CLMP: variants seen among roughly 807,000 people sequenced by gnomAD.
The protein encoded by CLMP is CXADR like cell adhesion molecule.
In CLMP, 27 loss-of-function variants were observed where a neutral mutation model predicts 45.2. That is an observed-to-expected ratio of 0.60 (90% CI 0.44 to 0.82). The LOEUF (loss-of-function observed/expected upper bound fraction) is 0.82. Ranked by LOEUF, CLMP falls within the 40% of genes least tolerant of loss-of-function variation. The pLI, the probability that CLMP is intolerant of heterozygous loss-of-function variation, is 0.00. For synonymous variants in CLMP, 167 were observed against 171.4 expected (o/e 0.97, Z 0.20); for missense variants, 403 against 448.4 (o/e 0.90, Z 0.91).
intron 1 of CLMP, among the ~76,000 whole-genome samples, chr11:123,132,308 G>A (rs1332477795): frequency 6.6e-6 from 1 of 152,216 alleles, no homozygotes; most frequent in Admixed American, 6.5e-5. Context: ...TTACTTTGGG[G>A]AACTGTCAAA....
chr11:123,136,055 C>T, intron 1 of CLMP: 2 of 596,576 alleles, frequency 3.4e-6, no homozygotes, highest in East Asian at 8.7e-5. Flanking sequence ...TCTTCATCTG[C>T]CTTTTTGCTT....
intron 1 of CLMP, among the ~76,000 whole-genome samples, chr11:123,118,723 A>T (rs572964122): frequency 6.6e-6 from 1 of 152,270 alleles, no homozygotes; most frequent in South Asian, 2.1e-4. Flanking sequence ...GTCGCGTCTC[A>T]GCAAGGGAGG....
At chr11:123,089,646 G>A (rs1032138846) in intron 2 of CLMP, among the ~76,000 whole-genome samples, 9 of 151,424 alleles carry the variant, frequency 5.9e-5, no homozygotes, top group South Asian at 2.1e-4. Flanking sequence ...GTGTGGTGGC[G>A]GGCGCCCGTA....
chr11:123,074,023 G>C (rs1865705407), intron 6 of CLMP, among the ~76,000 whole-genome samples: 1 of 152,146 alleles, frequency 6.6e-6, no homozygotes. Flanking sequence ...AGATGGTCTA[G>C]ACAGCACACC....
chr11:123,104,769 G>C (rs977853177), intron 1 of CLMP, among the ~76,000 whole-genome samples: 2 of 152,206 alleles, frequency 1.3e-5, no homozygotes, highest in African/African-American at 4.8e-5. Context: ...GAAAGGGGCA[G>C]TCTGACCATC....
At position 123,136,446 on chromosome 11, in the gene CLMP, C is replaced by A. The variant is rs548685138; in HGVS notation, c.29-38494G>T. 119 of 410,640 alleles carry A rather than the reference C, an allele frequency of 2.9e-4. 3 individuals are homozygous for A. The highest frequency in any genetic ancestry group is 2.2e-3 in the South Asian group (88 of 39,880). The allele number at this position is 410,640 out of a possible 1,614,324, so 25.4% of individuals were successfully genotyped here. On this transcript the variant is annotated intron_variant, in intron 1 of 6. Coordinates refer to ENST00000448775, the MANE Select transcript of CLMP (RefSeq NM_024769.5). ...CCACCCCGCCCTCCTTGTCCCCCCC[C>A]ACCCCACCCTCCTCTCCCTGGCGCT...
At chr11:123,084,436 C>T in intron 3 of CLMP, 76 bp downstream of exon 3, 2 of 1,177,106 alleles carry the variant, frequency 1.7e-6, no homozygotes, top group Non-Finnish European at 1.2e-6. Context: ...TTTTGTACCA[C>T]CGTGATGCAT....
chr11:123,190,104 T>C (rs1861889027), intron 1 of CLMP, among the ~76,000 whole-genome samples: 1 of 152,124 alleles, frequency 6.6e-6, no homozygotes, highest in African/African-American at 2.4e-5. Flanking sequence ...CTTGAGGCTG[T>C]TCTGTAGGTA....
intron 2 of CLMP, among the ~76,000 whole-genome samples, chr11:123,088,786 A>G (rs998223689): frequency 6.6e-6 from 1 of 151,914 alleles, no homozygotes; most frequent in African/African-American, 2.4e-5. Flanking sequence ...CCACCACACC[A>G]GCTAATTTTG....
intron 2 of CLMP, among the ~76,000 whole-genome samples, chr11:123,096,057 G>A (rs1035264570): frequency 2.6e-5 from 4 of 152,096 alleles, no homozygotes; most frequent in Non-Finnish European, 5.9e-5. Context: ...TGACCAAGAA[G>A]CTGTTAAAAT....
At chr11:123,147,580 G>C (rs182127613) in intron 1 of CLMP, among the ~76,000 whole-genome samples, 9 of 152,226 alleles carry the variant, frequency 5.9e-5, no homozygotes, top group Non-Finnish European at 1.2e-4. Flanking sequence ...GCCCAGCAGC[G>C]AGCCTTTCTT....
At chr11:123,080,547 G>A (rs1014663138) in intron 5 of CLMP, among the ~76,000 whole-genome samples, 1 of 151,892 alleles carries the variant, frequency 6.6e-6, no homozygotes, top group African/African-American at 2.4e-5. Flanking sequence ...GGCTGGTCTC[G>A]AACTCCCAAC....
rs1387406022 is a variant in CLMP at position 123,074,979 on chromosome 11, G to T, written c.680-136C>A. The T allele has an allele frequency of 1.5e-5, 15 of 1,001,576 alleles. No individual in the cohort carries two copies. The African/African-American group carries it at 2.5e-4, about 16-fold the overall frequency. The allele number at this position is 1,001,576 out of a possible 1,614,324, so 62.0% of individuals were successfully genotyped here. A position where few individuals can be genotyped will look rare whatever the true frequency, so the allele number is the denominator to read the frequency against. On this transcript the variant is annotated intron_variant, in intron 5 of 6. Transcript: ENST00000448775. Reference sequence around the variant, plus strand: ...GTTTTGTTTTTTTTTTTTTGAGACGGAGTTTCACTCTTGTTGCCCAGGCTG... The same window carrying T: ...GTTTTGTTTTTTTTTTTTTGAGACGTAGTTTCACTCTTGTTGCCCAGGCTG...
At chr11:123,157,585 G>A (rs1404726131) in intron 1 of CLMP, among the ~76,000 whole-genome samples, 1 of 151,900 alleles carries the variant, frequency 6.6e-6, no homozygotes, top group Non-Finnish European at 1.5e-5. Flanking sequence ...TGGGCATGGT[G>A]GTAGTTGCCT....
intron 1 of CLMP, among the ~76,000 whole-genome samples, chr11:123,117,991 C>T (rs116079625): frequency 0.022 from 3,414 of 152,242 alleles, 134 homozygotes; most frequent in African/African-American, 0.077. Flanking sequence ...CCTATGATCA[C>T]TGGGGAGAAA....
chr11:123,079,534 A>G lies in CLMP; in HGVS notation c.679+3551T>C, dbSNP rs561564757. Among the ~76,000 whole-genome samples, 287 of 151,994 alleles carry G rather than the reference A, an allele frequency of 1.9e-3. 1 individual carries two copies. Among genetic ancestry groups the G allele is most frequent in the Admixed American group, 3.2e-3 (49 of 15,266 alleles). On this transcript the variant is annotated intron_variant, in intron 5 of 6. Transcript: ENST00000448775. ...AGTGGCCTGATCTCAGCTTACTGCA[A>G]CCTCCACCTCCCAGGGTCAAGCGAT...
intron 1 of CLMP, among the ~76,000 whole-genome samples, chr11:123,181,047 C>G (rs998785795): frequency 6.6e-6 from 1 of 152,178 alleles, no homozygotes; most frequent in Non-Finnish European, 1.5e-5. Flanking sequence ...GCTCATGCTG[C>G]CTGCAGGGGA....
intron 1 of CLMP, among the ~76,000 whole-genome samples, chr11:123,133,308 G>C (rs899034333): frequency 5.9e-5 from 9 of 151,982 alleles, no homozygotes; most frequent in African/African-American, 1.9e-4. Flanking sequence ...CCAATCTTTG[G>C]CTCTGTCTAG....
intron 1 of CLMP, chr11:123,135,973 T>C (rs1861065366): frequency 3.6e-6 from 2 of 561,300 alleles, no homozygotes; most frequent in Middle Eastern, 6.5e-4. Context: ...GGTATCACAA[T>C]GTGCTGCTTG....
Sources: gnomAD v4.1 joint callset for allele counts (sites outside exome capture counted in the v4.1 genomes callset) on GRCh38, gnomAD v4.1.1 for gene constraint, MANE v1.5 for transcripts, NCBI Gene and HGNC (gene_info 2026-07-23, HGNC 2026-07-21) for gene names.